PRSS38: variants seen among roughly 807,000 people sequenced by gnomAD.
PRSS38 encodes serine protease 38.
In PRSS38, 22 loss-of-function variants were observed where a neutral mutation model predicts 26.8. That is an observed-to-expected ratio of 0.82 (90% CI 0.59 to 1.17). PRSS38 has a LOEUF of 1.17. PRSS38 is among the 50% of genes most tolerant of loss of function. PRSS38 has a pLI of 0.00. For missense variants in PRSS38, 427 were observed against 422.7 expected (o/e 1.01, Z -0.09); for synonymous variants, 175 against 172.1 (o/e 1.02, Z -0.13).
intron 3 of PRSS38, among the ~76,000 whole-genome samples, chr1:227,826,981 T>C (rs1665082845): frequency 6.6e-6 from 1 of 152,356 alleles, no homozygotes; most frequent in Non-Finnish European, 1.5e-5. Context: ...GGATTACGTT[T>C]ATTGACTTGC....
exon 1 of PRSS38, chr1:227,815,764 G>A: frequency 6.2e-7 from 1 of 1,611,360 alleles, no homozygotes; most frequent in Non-Finnish European, 8.5e-7. Context: ...CCTCTGCCCT[G>A]GGCCTTCTGC....
At chr1:227,833,854 A>G (rs767924744) in intron 3 of PRSS38, among the ~76,000 whole-genome samples, 11 of 152,266 alleles carry the variant, frequency 7.2e-5, no homozygotes, top group Non-Finnish European at 1.5e-4. Context: ...AAATTTTAGA[A>G]TAAAACTGTT....
At chr1:227,840,273 C>A (rs1305362138) in intron 3 of PRSS38, among the ~76,000 whole-genome samples, 1 of 152,102 alleles carries the variant, frequency 6.6e-6, no homozygotes, top group Non-Finnish European at 1.5e-5. Flanking sequence ...AGGCGTGTGC[C>A]ACCACACCCA....
chr1:227,816,400 C>A lies in PRSS38; in HGVS notation c.311+148C>A. The A allele has an allele frequency of 1.2e-6, 1 of 833,712 alleles. No individual in the cohort carries two copies. The allele number at this position is 833,712 out of a possible 1,614,324, so 51.6% of individuals were successfully genotyped here. ...GACCCGCGCAAGGCCAGGTCCCCAC[C>A]AGTGAGGCTGGTCCCCAAACACACA... On this transcript the variant is annotated intron_variant, in intron 2 of 4. Coordinates refer to ENST00000366757, the Ensembl canonical transcript of PRSS38. The surrounding 1 kb of genome is among the most constrained non-coding windows in gnomAD (Gnocchi z 5.1).
At chr1:227,826,114 T>C (rs1053698378) in intron 3 of PRSS38, among the ~76,000 whole-genome samples, 1 of 152,184 alleles carries the variant, frequency 6.6e-6, no homozygotes, top group Non-Finnish European at 1.5e-5. Context: ...GTTAGCTGTA[T>C]TCCTAGGTAT....
intron 3 of PRSS38, among the ~76,000 whole-genome samples, chr1:227,839,542 C>T (rs12567098): frequency 0.17 from 26,005 of 151,492 alleles, 4,194 homozygotes; most frequent in African/African-American, 0.43. Context: ...AACTGAAAAA[C>T]AAATTTTTAA....
intron 3 of PRSS38, among the ~76,000 whole-genome samples, chr1:227,838,296 G>A (rs950660178): frequency 3.3e-5 from 5 of 152,188 alleles, no homozygotes; most frequent in African/African-American, 1.2e-4. Flanking sequence ...TGCATATGGT[G>A]TGAGGAAAAG....
chr1:227,830,780 C>T (rs1167470028), intron 3 of PRSS38, among the ~76,000 whole-genome samples: 5 of 152,070 alleles, frequency 3.3e-5, no homozygotes, highest in African/African-American at 7.2e-5. Context: ...GCTGGGATTA[C>T]AGGCTTGAGC....
At chr1:227,843,341 A>T (rs757430725) in intron 3 of PRSS38, among the ~76,000 whole-genome samples, 1 of 152,056 alleles carries the variant, frequency 6.6e-6, no homozygotes, top group Non-Finnish European at 1.5e-5. Context: ...TTCCTCTTTC[A>T]TTTTCCCTCT....
At chr1:227,835,713 C>T (rs1665228382) in intron 3 of PRSS38, among the ~76,000 whole-genome samples, 1 of 152,164 alleles carries the variant, frequency 6.6e-6, no homozygotes, top group Non-Finnish European at 1.5e-5. Flanking sequence ...ACTAAAAGTC[C>T]TATATTGTGT....
chr1:227,834,963 A>G (rs766840088), intron 3 of PRSS38, among the ~76,000 whole-genome samples: 33 of 152,344 alleles, frequency 2.2e-4, no homozygotes, highest in South Asian at 4.1e-4. Context: ...TATCCAGAAT[A>G]TATAAAGAAC....
At position 227,816,129 on chromosome 1, in the gene PRSS38, G is replaced by T; in HGVS notation, c.188G>T (p.Gly63Val). 2 of 1,613,682 alleles carry T rather than the reference G, an allele frequency of 1.2e-6. No individual in the cohort carries two copies. Among genetic ancestry groups the T allele is most frequent in the Non-Finnish European group, 1.7e-6 (2 of 1,179,892 alleles). ...AGCATGGAGGGGAAAATCCTGGGCG[G>T]CGTCCCTGCGCCCGAGAGGAAGTGG... The change falls in exon 2 of 5, where the codon GGC becomes GTC. Residue 63 changes from glycine (G) to valine (V), a missense_variant. By Grantham distance (109) the Gly-to-Val change is moderately radical. Transcript: ENST00000366757. The surrounding 1 kb of genome is among the most constrained non-coding windows in gnomAD (Gnocchi z 5.1).
intron 3 of PRSS38, among the ~76,000 whole-genome samples, chr1:227,830,423 T>C (rs1379731622): frequency 6.6e-6 from 1 of 151,822 alleles, no homozygotes; most frequent in African/African-American, 2.4e-5. Context: ...GTATTTATTA[T>C]TGTCCTATTA....
chr1:227,822,486 G>A (rs1665016980), intron 3 of PRSS38, among the ~76,000 whole-genome samples: 1 of 152,088 alleles, frequency 6.6e-6, no homozygotes, highest in Non-Finnish European at 1.5e-5. Flanking sequence ...TTATAATAAT[G>A]TGTTAACTCT....
At chr1:227,843,198 G>A (rs1665364206) in intron 3 of PRSS38, among the ~76,000 whole-genome samples, 2 of 152,220 alleles carry the variant, frequency 1.3e-5, no homozygotes, top group Non-Finnish European at 1.5e-5. Context: ...TAAATGAGCT[G>A]CAGGCCGCAA....
intron 3 of PRSS38, among the ~76,000 whole-genome samples, chr1:227,832,553 T>C (rs1390622528): frequency 6.6e-6 from 1 of 152,200 alleles, no homozygotes; most frequent in Non-Finnish European, 1.5e-5. Flanking sequence ...TGGTGAAATA[T>C]AACAATGGTT....
intron 3 of PRSS38, among the ~76,000 whole-genome samples, chr1:227,837,089 C>T (rs1665248154): frequency 6.6e-6 from 1 of 152,202 alleles, no homozygotes; most frequent in South Asian, 2.1e-4. Context: ...CTCTTGGGCT[C>T]AAATGATCCT....
chr1:227,819,517 T>C (rs922219019), intron 3 of PRSS38, among the ~76,000 whole-genome samples: 1 of 152,202 alleles, frequency 6.6e-6, no homozygotes, highest in African/African-American at 2.4e-5. Flanking sequence ...AAAAAGGCCA[T>C]TGGAATTTTA....
chr1:227,833,332 A>G (rs530906036), intron 3 of PRSS38, among the ~76,000 whole-genome samples: 1 of 152,192 alleles, frequency 6.6e-6, no homozygotes, highest in Non-Finnish European at 1.5e-5. Context: ...GTTTGAAACC[A>G]GCCTGGCCAA....
Sources: gnomAD v4.1 joint callset for allele counts (sites outside exome capture counted in the v4.1 genomes callset) on GRCh38, gnomAD v4.1.1 for gene constraint, Gnocchi (gnomAD v3.1) non-coding constraint, MANE v1.5 for transcripts, NCBI Gene and HGNC (gene_info 2026-07-23, HGNC 2026-07-21) for gene names.